ARSF: variants seen among roughly 807,000 people sequenced by gnomAD.
ARSF encodes arylsulfatase F.
Under a neutral mutation model 35.4 loss-of-function variants are expected in ARSF, and 33 were observed. The ratio of observed to expected loss-of-function variants is 0.93; its 90% confidence interval spans 0.71 to 1.25. The LOEUF (loss-of-function observed/expected upper bound fraction) is 1.25, where lower values mean the gene tolerates loss of function less well. Among genes scored for constraint, ARSF ranks in the 50% most tolerant of loss-of-function variants. ARSF has a pLI of 0.00. For synonymous variants in ARSF, 222 were observed against 193.1 expected (o/e 1.15, Z -1.24); for missense variants, 501 against 480.2 (o/e 1.04, Z -0.40).
At chrX:3,112,017 A>G (rs1181961322) in intron 10 of ARSF, among the ~76,000 whole-genome samples, 157 bp from the exon 11 acceptor site, 2 of 110,195 alleles carry the variant, frequency 1.8e-5, no homozygotes, top group Non-Finnish European at 3.8e-5. Context: ...TCCCCCAACC[A>G]CTCACCTCCT....
intron 1 of ARSF, among the ~76,000 whole-genome samples, chrX:3,044,866 A>G (rs1255436464): frequency 9.1e-6 from 1 of 110,177 alleles, no homozygotes; most frequent in East Asian, 2.9e-4. Context: ...AAACGAGGTC[A>G]GCTGCTTTCA....
At chrX:3,106,689 C>A (rs1052921753) in intron 9 of ARSF, among the ~76,000 whole-genome samples, 2 of 112,364 alleles carry the variant, frequency 1.8e-5, no homozygotes, top group African/African-American at 6.5e-5. Flanking sequence ...AAGCAAATTA[C>A]AACCAAAAAT....
intron 1 of ARSF, among the ~76,000 whole-genome samples, chrX:3,053,749 G>A (rs1167422631): frequency 1.9e-5 from 2 of 102,734 alleles, no homozygotes; most frequent in Non-Finnish European, 3.9e-5. Context: ...ATGCCACCAC[G>A]CCTGGGTAAT....
intron 10 of ARSF, among the ~76,000 whole-genome samples, chrX:3,111,090 G>A (rs1026464191): frequency 1.8e-4 from 20 of 110,190 alleles, no homozygotes; most frequent in Non-Finnish European, 3.2e-4. Flanking sequence ...AAGAAGACAA[G>A]AGAAGCCAGC....
chrX:3,086,764 G>A, intron 6 of ARSF, among the ~76,000 whole-genome samples: 1 of 111,851 alleles, frequency 8.9e-6, no homozygotes, highest in Non-Finnish European at 1.9e-5. Flanking sequence ...GCTGCAGTGA[G>A]CCGTGATTGC....
chrX:3,041,299 C>T (rs867021225), upstream of ARSF, among the ~76,000 whole-genome samples: 4 of 87,395 alleles, frequency 4.6e-5, no homozygotes, highest in Admixed American at 1.4e-4. Context: ...TTTTCTTTTT[C>T]TTTTTTTTTT....
chrX:3,079,037 T>C (rs1479727006), intron 4 of ARSF, among the ~76,000 whole-genome samples: 6 of 111,126 alleles, frequency 5.4e-5, no homozygotes, highest in Admixed American at 3.9e-4. Flanking sequence ...TCATACAGTA[T>C]GTGACAGTCT....
chrX:3,098,458 G>A (rs748191918), intron 7 of ARSF, among the ~76,000 whole-genome samples: 2 of 111,048 alleles, frequency 1.8e-5, no homozygotes, highest in East Asian at 2.8e-4. Context: ...CACATGTTGT[G>A]GGGGGGACCT....
intron 2 of ARSF, among the ~76,000 whole-genome samples, chrX:3,071,289 C>G (rs1214212728): frequency 9.1e-6 from 1 of 109,831 alleles, no homozygotes; most frequent in Non-Finnish European, 1.9e-5. Flanking sequence ...GTGCAAGTGT[C>G]TTTTGTTGTT....
Position 3,072,085 on chromosome X carries a change from G to A in ARSF, c.71G>A (p.Arg24Lys), listed in dbSNP as rs2090108877. The change falls in exon 3 of 11, where the codon AGG becomes AAG. Residue 24 changes from arginine to lysine, a missense_variant. Arg to Lys is a conservative substitution (Grantham distance 26). Transcript: ENST00000381127. ...CALLNTCQAH[R>K]VHDDKPNIVL... is the part of the protein sequence containing the mutation. ...CTCTTGAACACATGCCAGGCACACA[G>A]GGTGCATGACGACAAGCCTAATATT... The A allele has an allele frequency of 1.7e-6, 2 of 1,211,360 alleles. No individual in the cohort carries two copies. The highest frequency in any genetic ancestry group is 3.0e-5 in the East Asian group (1 of 33,812).
intron 1 of ARSF, among the ~76,000 whole-genome samples, chrX:3,067,856 C>CAA (rs1202340233): frequency 2.5e-4 from 15 of 60,631 alleles, no homozygotes; most frequent in African/African-American, 7.5e-4. Flanking sequence ...GACTCCGGCT[C>CAA]AAAAAAAAAA....
intron 8 of ARSF, among the ~76,000 whole-genome samples, chrX:3,103,423 A>G (rs2090392206): frequency 9.0e-6 from 1 of 111,095 alleles, no homozygotes; most frequent in Non-Finnish European, 1.9e-5. Context: ...TTAATTAAAA[A>G]AAATATAGGA....
intron 8 of ARSF, among the ~76,000 whole-genome samples, chrX:3,102,226 C>T (rs888021058): frequency 6.3e-5 from 7 of 111,106 alleles, no homozygotes; most frequent in African/African-American, 2.0e-4. Flanking sequence ...TTTAGTGCAC[C>T]GTCATCTGAG....
At chrX:3,091,048 CTAT>C (rs2090285775) in intron 7 of ARSF, among the ~76,000 whole-genome samples, 1 of 14,511 alleles carries the variant, frequency 6.9e-5, no homozygotes, top group Non-Finnish European at 1.0e-4. Context: ...GTAGCTGGGG[CTAT>C]CTATAGGCAC....
chrX:3,065,636 C>CAAA lies in ARSF; in HGVS notation c.-28-2424_-28-2422dup, dbSNP rs760800747. 1.9e-3 allele frequency among the ~76,000 whole-genome samples: 130 copies of CAAA among 68,000 alleles called. 3 individuals are homozygous for CAAA. Among genetic ancestry groups the CAAA allele is most frequent in the African/African-American group, 5.6e-3 (108 of 19,167 alleles). The allele number at this position is 68,000 out of a possible 115,157, so 59.0% of individuals were successfully genotyped here. A position where few individuals can be genotyped will look rare whatever the true frequency, so the allele number is the denominator to read the frequency against. ...TCGGCAACAGAGTGAGACTCTGTCTCAAAAAAAAAAAAAAATGCACATGCC... is the reference window on the plus strand; with the variant it reads ...TCGGCAACAGAGTGAGACTCTGTCTCAAAAAAAAAAAAAAAAAATGCACATGCC... On this transcript the variant is annotated intron_variant, in intron 1 of 10. Coordinates refer to ENST00000381127, the MANE Select transcript of ARSF (RefSeq NM_001201539.2).
chrX:3,112,607 T>C lies in ARSF; in HGVS notation c.*51T>C. ...CTTTGGTCCTAACGAGAAGAGATAA[T>C]TACAATCAGGCTACCAAAGGAAGCA... On this transcript the variant is annotated 3_prime_UTR_variant, in exon 11 of 11. Transcript: ENST00000381127. 1 of 1,136,340 alleles carries C rather than the reference T, an allele frequency of 8.8e-7. No homozygotes were observed. The highest frequency in any genetic ancestry group is 1.2e-6 in the Non-Finnish European group (1 of 861,744). 93.6% of individuals were successfully genotyped at this position (1,136,340 alleles called of 1,213,427 possible). A position where few individuals can be genotyped will look rare whatever the true frequency, so the allele number is the denominator to read the frequency against.
chrX:3,095,881 T>C (rs10482443), intron 7 of ARSF, among the ~76,000 whole-genome samples: 31,908 of 108,188 alleles, frequency 0.29, 3,947 homozygotes, highest in African/African-American at 0.45. Flanking sequence ...TAACTATATA[T>C]ATGTATATGT....
intron 6 of ARSF, among the ~76,000 whole-genome samples, chrX:3,086,832 A>T (rs1328106905): frequency 9.0e-6 from 1 of 111,438 alleles, no homozygotes; most frequent in African/African-American, 3.3e-5. Flanking sequence ...AATAAAAAAA[A>T]TTACCACAAA....
At chrX:3,065,793 G>T (rs2090063134) in intron 1 of ARSF, among the ~76,000 whole-genome samples, 1 of 110,901 alleles carries the variant, frequency 9.0e-6, no homozygotes, top group South Asian at 3.8e-4. Flanking sequence ...TGCATCTCTG[G>T]TCTAATGCAA....
Sources: allele counts gnomAD v4.1 joint callset (sites outside exome capture counted in the v4.1 genomes callset), GRCh38; gene constraint gnomAD v4.1.1; transcripts MANE v1.5; gene names NCBI Gene and HGNC (gene_info 2026-07-23, HGNC 2026-07-21).